Variants in CCM2 observed in about 807,000 individuals in gnomAD.
The protein encoded by CCM2 is cerebral cavernous malformations 2 protein.
CCM2 carries 25 observed loss-of-function variants against 44.9 expected under a neutral mutation model. The ratio of observed to expected loss-of-function variants is 0.56; its 90% confidence interval spans 0.41 to 0.78. The LOEUF (loss-of-function observed/expected upper bound fraction) is 0.78. Ranked by LOEUF, CCM2 falls within the 30% of genes least tolerant of loss-of-function variation. CCM2 has a pLI of 0.00. For missense variants in CCM2, 481 were observed against 580.6 expected (o/e 0.83, Z 1.76); for synonymous variants, 219 against 241.1 (o/e 0.91, Z 0.85).
chr7:45,027,397 T>C (rs886415689), intron 1 of CCM2: 3 of 466,878 alleles, frequency 6.4e-6, no homozygotes, highest in Non-Finnish European at 1.2e-5. Context: ...TTGAAATTAA[T>C]GTCCTTCTGT....
intron 2 of CCM2, among the ~76,000 whole-genome samples, chr7:45,042,005 G>A (rs1195857948): frequency 2.0e-5 from 3 of 152,142 alleles, no homozygotes; most frequent in Non-Finnish European, 2.9e-5. Flanking sequence ...GTCGAGCGCC[G>A]TGGCCCATGC....
rs1410319756 is a variant in CCM2 at position 45,046,320 on chromosome 7, TGAGAA to T, written c.204+7898_204+7902del. Among the ~76,000 whole-genome samples the T allele has an allele frequency of 2.6e-5, 4 of 152,168 alleles. No homozygotes were observed. In the East Asian group the frequency reaches 5.8e-4, roughly 22 times the overall value. ...ATAATAATTTTGAAAAAGAAGAAAA[TGAGAA>T]GAGTCAGCCTGTCTGATTTCAAGAT... On this transcript the variant is annotated intron_variant, in intron 2 of 9. Transcript: ENST00000258781.
chr7:45,019,783 C>G (rs1796410179), intron 1 of CCM2, among the ~76,000 whole-genome samples: 1 of 152,144 alleles, frequency 6.6e-6, no homozygotes, highest in Non-Finnish European at 1.5e-5. Context: ...CTATGTTGCC[C>G]AGGCTGGTTT....
chr7:45,063,862 G>A lies in CCM2; in HGVS notation c.205-56G>A, dbSNP rs1562906692. Reference sequence around the variant, plus strand: ...GTTTGTGCTCTCGGTGGTAGTGATGGTGGTGTTGGCTCAGCTCCCATTTCT... The same window carrying A: ...GTTTGTGCTCTCGGTGGTAGTGATGATGGTGTTGGCTCAGCTCCCATTTCT... On this transcript the variant is annotated intron_variant, in intron 2 of 9. Coordinates refer to ENST00000258781, the MANE Select transcript of CCM2 (RefSeq NM_031443.4). The A allele has an allele frequency of 2.3e-5, 26 of 1,123,388 alleles. No individual in the cohort carries two copies. In the South Asian group the frequency reaches 3.1e-4, roughly 14 times the overall value. The allele number at this position is 1,123,388 out of a possible 1,614,324, so 69.6% of individuals were successfully genotyped here.
At chr7:45,038,157 T>C in intron 1 of CCM2, 96 bp from the exon 2 acceptor site, 1 of 1,404,368 alleles carries the variant, frequency 7.1e-7, no homozygotes, top group South Asian at 1.2e-5. Context: ...ATGGGGGCCA[T>C]GGTAGTAGTT....
chr7:45,038,111 T>C, intron 1 of CCM2, 142 bp from the exon 2 acceptor site: 1 of 1,000,260 alleles, frequency 1.0e-6, no homozygotes, highest in East Asian at 2.5e-5. Flanking sequence ...TGTTGGTACC[T>C]TTCTCACCAG....
At chr7:45,043,783 T>C (rs1170712961) in intron 2 of CCM2, 1 of 379,804 alleles carries the variant, frequency 2.6e-6, no homozygotes, top group African/African-American at 2.2e-5. Context: ...TCCTATTCTT[T>C]ACTCTTCCCA....
intron 2 of CCM2, among the ~76,000 whole-genome samples, chr7:45,061,456 C>CTTTTTTTTTTTTTTTTTTT (rs57140747): frequency 6.5e-5 from 8 of 122,270 alleles, no homozygotes; most frequent in East Asian, 2.2e-4. Flanking sequence ...TTCTTTCTTT[C>CTTTTTTTTTTTTTTTTTTT]TTTTTTTTTT....
At position 45,055,849 on chromosome 7, in the gene CCM2, C is replaced by G. The variant is rs149297556; in HGVS notation, c.205-8069C>G. ...TTGGACAATGCCTCTCCATCTCCCT[C>G]CCACAGCCCCTGGCAACCACCGCTT... On this transcript the variant is annotated intron_variant, in intron 2 of 9. Coordinates refer to ENST00000258781, the MANE Select transcript of CCM2 (RefSeq NM_031443.4). Among the ~76,000 whole-genome samples, 523 of 152,236 alleles carry G rather than the reference C, an allele frequency of 3.4e-3. 7 individuals carry two copies. The highest frequency in any genetic ancestry group is 0.033 in the Admixed American group (504 of 15,294).
At chr7:45,064,324 C>G in intron 3 of CCM2, 139 bp from the exon 4 acceptor site, 1 of 854,784 alleles carries the variant, frequency 1.2e-6, no homozygotes, top group East Asian at 2.6e-5. Flanking sequence ...AAGCACTGTT[C>G]TGAGGGGAAT....
At chr7:45,008,783 C>G (rs1337595309) in intron 1 of CCM2, among the ~76,000 whole-genome samples, 1 of 152,174 alleles carries the variant, frequency 6.6e-6, no homozygotes, top group African/African-American at 2.4e-5. Flanking sequence ...TAATTTATTA[C>G]TGCCATTAGA....
At chr7:45,071,223 A>T (rs1799055995) in intron 6 of CCM2, 1 of 152,470 alleles carries the variant, frequency 6.6e-6, no homozygotes, top group South Asian at 2.1e-4. Context: ...AGCTGTAATT[A>T]AACATTCAGT....
rs1222389025 is a variant in CCM2 at position 45,076,378 on chromosome 7, C to T, written c.*321C>T. ...GTCGGCTGGGCCCTTGGACGGCTGT[C>T]AGTTTTGCACATGATGTTCCTATTG... is the stretch of plus-strand genomic sequence containing the variant. On this transcript the variant is annotated 3_prime_UTR_variant, in exon 10 of 10. Coordinates refer to ENST00000258781, the MANE Select transcript of CCM2 (RefSeq NM_031443.4). 2.1e-5 allele frequency: 11 copies of T among 518,736 alleles called. No individual in the cohort carries two copies. Among genetic ancestry groups the T allele is most frequent in the Middle Eastern group, 1.1e-3 (2 of 1,876 alleles). 32.1% of individuals were successfully genotyped at this position (518,736 alleles called of 1,614,324 possible).
chr7:45,005,602 T>G (rs1795814591), intron 1 of CCM2, among the ~76,000 whole-genome samples: 1 of 152,204 alleles, frequency 6.6e-6, no homozygotes, highest in Non-Finnish European at 1.5e-5. Flanking sequence ...ACCTAACTAT[T>G]GAGCATTTAA....
intron 2 of CCM2, among the ~76,000 whole-genome samples, chr7:45,058,566 G>C (rs145791452): frequency 6.7e-6 from 1 of 148,570 alleles, no homozygotes; most frequent in Non-Finnish European, 1.5e-5. Context: ...GAGAACATGC[G>C]GTGTTTGTTT....
intron 2 of CCM2, among the ~76,000 whole-genome samples, chr7:45,057,100 G>A (rs1448626935): frequency 1.3e-5 from 2 of 151,982 alleles, no homozygotes; most frequent in Admixed American, 1.3e-4. Flanking sequence ...GCTCATCATG[G>A]CACCCTTGTT....
intron 2 of CCM2, among the ~76,000 whole-genome samples, chr7:45,053,987 C>G (rs1798131208): frequency 6.6e-6 from 1 of 152,194 alleles, no homozygotes; most frequent in Admixed American, 6.5e-5. Flanking sequence ...AGAATGGCCT[C>G]TGGACCCCTT....
rs115618289 is a variant in CCM2 at position 45,076,168 on chromosome 7, G to T, written c.*111G>T. ...CCCTTGGTGGTGGCCAGGGAGAGGCGCCCGGTGCAGATGGCCCCGGGCGGC... is the reference window on the plus strand; with the variant it reads ...CCCTTGGTGGTGGCCAGGGAGAGGCTCCCGGTGCAGATGGCCCCGGGCGGC... On this transcript the variant is annotated 3_prime_UTR_variant, in exon 10 of 10. Coordinates refer to ENST00000258781, the MANE Select transcript of CCM2 (RefSeq NM_031443.4). The T allele has an allele frequency of 3.6e-5, 54 of 1,502,830 alleles. No individual in the cohort carries two copies. In the East Asian group the frequency reaches 1.1e-3, roughly 30 times the overall value. The allele number at this position is 1,502,830 out of a possible 1,614,324, so 93.1% of individuals were successfully genotyped here.
At chr7:45,026,744 AG>A (rs886441853) in intron 1 of CCM2, among the ~76,000 whole-genome samples, 63 of 152,024 alleles carry the variant, frequency 4.1e-4, no homozygotes, top group African/African-American at 1.5e-3. Flanking sequence ...CTGGGATAAC[AG>A]GTGCCCATCA....
Sources: allele counts gnomAD v4.1 joint callset (sites outside exome capture counted in the v4.1 genomes callset), GRCh38; gene constraint gnomAD v4.1.1; transcripts MANE v1.5; gene names NCBI Gene and HGNC (gene_info 2026-07-23, HGNC 2026-07-21).